SEC31A: variants seen among roughly 807,000 people sequenced by gnomAD.
The protein encoded by SEC31A is SEC31 homolog A, COPII component.
A neutral mutation model predicts 151.0 loss-of-function variants in SEC31A; 70 were observed. The observed-to-expected ratio is 0.46, with a 90% CI of 0.38 to 0.57. SEC31A has a LOEUF of 0.57. SEC31A is among the 20% of genes least tolerant of loss of function. The pLI is 0.00. For missense variants in SEC31A, 1,330 were observed against 1,471.2 expected, an observed-to-expected ratio of 0.90 and a Z score of 1.57; for synonymous variants, 475 against 505.9, an observed-to-expected ratio of 0.94 and a Z score of 0.82.
chr4:82,857,828 A>G (rs1476755624), intron 14 of SEC31A, 64 bp from the exon 15 acceptor site: 9 of 991,188 alleles, frequency 9.1e-6, no homozygotes, highest in Middle Eastern at 2.5e-4. Flanking sequence ...TACTGACAAA[A>G]AAAATTTACA....
At chr4:82,869,214 G>C (rs6828567) in intron 8 of SEC31A, among the ~76,000 whole-genome samples, 1 of 151,676 alleles carries the variant, frequency 6.6e-6, no homozygotes. Context: ...CCGCCTCCCA[G>C]GTTCATCCCA....
intron 16 of SEC31A, among the ~76,000 whole-genome samples, chr4:82,855,342 G>A (rs148441583): frequency 2.0e-4 from 30 of 152,286 alleles, no homozygotes; most frequent in African/African-American, 6.5e-4. Flanking sequence ...CTTTTGACAC[G>A]TGATCTGAAG....
At chr4:82,854,290 G>A (rs180880659) in intron 17 of SEC31A, among the ~76,000 whole-genome samples, 2 of 151,920 alleles carry the variant, frequency 1.3e-5, no homozygotes, top group Non-Finnish European at 2.9e-5. Flanking sequence ...TTGAACGCAG[G>A]GGGTGGAGGT....
chr4:82,863,348 T>G lies in SEC31A; in HGVS notation c.1479A>C (p.Leu493=). The change falls in exon 12 of 27, where the codon CTA becomes CTC. Residue 493 remains leucine (L), a synonymous_variant. Coordinates refer to ENST00000395310, the MANE Select transcript of SEC31A (RefSeq NM_001077207.4). ...DDSRGKYLEL[L]GYRKEDLGKK... is the part of the protein sequence containing the mutation. ...TTCCTAGATCTTCTTTTCTGTATCC[T>G]AGAAGTTCAAGGTATTTTCCACGAG... The G allele has an allele frequency of 6.3e-7, 1 of 1,582,890 alleles. No homozygotes were observed. The highest frequency in any genetic ancestry group is 8.6e-7 in the Non-Finnish European group (1 of 1,168,236).
chr4:82,892,096 G>A (rs138845483), upstream of SEC31A, among the ~76,000 whole-genome samples: 22 of 152,338 alleles, frequency 1.4e-4, no homozygotes, highest in African/African-American at 5.3e-4. Context: ...CATTCCATCT[G>A]AAGCTTGCAG....
At chr4:82,871,465 T>C (rs1172696428) in intron 7 of SEC31A, 17 of 1,281,650 alleles carry the variant, frequency 1.3e-5, no homozygotes, top group Admixed American at 1.2e-4. Context: ...AATTTTACCA[T>C]AGACTAACTG....
chr4:82,846,817 C>CGAT (rs1560610063), intron 20 of SEC31A, among the ~76,000 whole-genome samples: 1 of 152,060 alleles, frequency 6.6e-6, no homozygotes, highest in South Asian at 2.1e-4. Flanking sequence ...CGGGTTCAAG[C>CGAT]GATTCTCCTG....
At chr4:82,879,371 G>GA (rs10629800) in intron 3 of SEC31A, among the ~76,000 whole-genome samples, 64,928 of 143,480 alleles carry the variant, frequency 0.45, 17,079 homozygotes, top group Admixed American at 0.6. Flanking sequence ...ACCTTTGTCT[G>GA]AAAAAAAAAA....
At chr4:82,865,206 A>C (rs1735035384) in intron 10 of SEC31A, among the ~76,000 whole-genome samples, 1 of 152,228 alleles carries the variant, frequency 6.6e-6, no homozygotes, top group Non-Finnish European at 1.5e-5. Context: ...TTGGCATGAA[A>C]GAATTAGGCA....
chr4:82,828,958 A>C (rs976075486), intron 23 of SEC31A, 42 bp downstream of exon 23: 8 of 1,536,044 alleles, frequency 5.2e-6, no homozygotes, highest in Non-Finnish European at 7.2e-6. Context: ...CGTGGTTAAC[A>C]TAACATCTGT....
rs202017618 is a variant in SEC31A at position 82,854,994 on chromosome 4, C to T, written c.1917G>A (p.Glu639=). ...TTTTAAGATCACAAGACTCAACAAT[C>T]TCTTTCCAGTTCTTCATCACCACTG... The part of the protein sequence containing the change: ...ITAVVMKNWK[E]IVESCDLKNW... Residue 639 remains glutamate (E), a synonymous_variant, in exon 17 of 27, where the codon GAG becomes GAA. Coordinates refer to ENST00000395310, the MANE Select transcript of SEC31A (RefSeq NM_001077207.4). 6.2e-7 allele frequency: 1 copy of T among 1,613,728 alleles called. No individual in the cohort carries two copies. Among genetic ancestry groups the T allele is most frequent in the South Asian group, 1.1e-5 (1 of 91,014 alleles).
chr4:82,827,610 G>A lies in SEC31A; in HGVS notation c.3050C>T (p.Pro1017Leu). The change falls in exon 24 of 27, where the codon CCT becomes CTT. Residue 1017 changes from proline (P) to leucine (L), a missense_variant. Physicochemically the swap from Pro to Leu is moderately conservative, Grantham distance 98. Coordinates refer to ENST00000395310, the MANE Select transcript of SEC31A (RefSeq NM_001077207.4). ...KKKMPENFMP[P>L]VPITSPIMNP... ...CATGATTGGTGATGTGATGGGAACAGGAGGCATGAAGTTTTCAGGCATCTG... is the reference window on the plus strand; with the variant it reads ...CATGATTGGTGATGTGATGGGAACAAGAGGCATGAAGTTTTCAGGCATCTG... 1 of 1,614,112 alleles carries A rather than the reference G, an allele frequency of 6.2e-7. No homozygotes were observed. The highest frequency in any genetic ancestry group is 8.5e-7 in the Non-Finnish European group (1 of 1,179,966).
exon 2 of SEC31A, chr4:82,900,171 A>G (rs2305876): frequency 0.33 from 50,319 of 152,332 alleles, 9,689 homozygotes; most frequent in African/African-American, 0.52. Flanking sequence ...CCGGTATCAC[A>G]TACCTACAGC....
At chr4:82,888,149 C>T (rs1221498998) in intron 1 of SEC31A, among the ~76,000 whole-genome samples, 1 of 150,210 alleles carries the variant, frequency 6.7e-6, no homozygotes, top group East Asian at 2.0e-4. Flanking sequence ...CCGAGGTGGG[C>T]AGATCACTTG....
chr4:82,871,444 A>C (rs747979753), intron 7 of SEC31A: 5 of 1,433,328 alleles, frequency 3.5e-6, no homozygotes, highest in Non-Finnish European at 4.7e-6. Flanking sequence ...AAAACAATGG[A>C]TAACAAAACC....
In SEC31A at chr4:82,888,070, C is replaced by CAAACA. The variant is rs775429405; in HGVS notation, c.-5+3017_-5+3018insTGTTT. Among the ~76,000 whole-genome samples the CAAACA allele has an allele frequency of 6.8e-3, 900 of 131,420 alleles. 4 individuals are homozygous for CAAACA. Among genetic ancestry groups the CAAACA allele is most frequent in the Non-Finnish European group, 9.7e-3 (595 of 61,602 alleles). 86.2% of individuals were successfully genotyped at this position (131,420 alleles called of 152,430 possible). Reference sequence around the variant, plus strand: ...CAAAACAAACAAACAAACAAACAAACAACAACAAAAAAAACATCTATTAGC... The same window carrying CAAACA: ...CAAAACAAACAAACAAACAAACAAACAAACAAACAACAAAAAAAACATCTATTAGC... On this transcript the variant is annotated intron_variant, in intron 1 of 26. Coordinates refer to ENST00000395310, the MANE Select transcript of SEC31A (RefSeq NM_001077207.4).
chr4:82,882,862 A>C (rs1469364683), intron 1 of SEC31A, among the ~76,000 whole-genome samples: 4 of 152,238 alleles, frequency 2.6e-5, no homozygotes, highest in Admixed American at 6.5e-5. Context: ...TCATGCTTGC[A>C]ATCGCAGCAC....
In SEC31A at chr4:82,866,905, G is replaced by A. The variant is rs759436953; in HGVS notation, c.1100C>T (p.Pro367Leu). 1.2e-5 allele frequency: 20 copies of A among 1,613,980 alleles called. No homozygotes were observed. The highest frequency in any genetic ancestry group is 2.2e-5 in the East Asian group (1 of 44,890). ...DPFGTGQPLPPLQIPQQTAQH... is the reference protein window; with the variant it reads ...DPFGTGQPLPLLQIPQQTAQH... ...AGCAGTCTGCTGTGGAATTTGTAAC[G>A]GAGGAAGGGGCTGTCCTGTGCCAAA... is the stretch of plus-strand genomic sequence containing the variant. Residue 367 changes from proline (P) to leucine (L), a missense_variant, in exon 10 of 27, where the codon CCG (proline) becomes CTG (leucine). Coordinates refer to ENST00000395310, the MANE Select transcript of SEC31A (RefSeq NM_001077207.4).
intron 25 of SEC31A, among the ~76,000 whole-genome samples, chr4:82,823,735 T>C (rs1348154640): frequency 1.3e-5 from 2 of 152,276 alleles, no homozygotes; most frequent in East Asian, 1.9e-4. Context: ...AACATTTAAC[T>C]ATCTTTAACA....
Sources: gnomAD v4.1 joint callset for allele counts (sites outside exome capture counted in the v4.1 genomes callset) on GRCh38, gnomAD v4.1.1 for gene constraint, MANE v1.5 for transcripts, NCBI Gene and HGNC (gene_info 2026-07-23, HGNC 2026-07-21) for gene names.